PLCH1: variants seen among roughly 807,000 people sequenced by gnomAD.
PLCH1 encodes the protein 1-phosphatidylinositol 4,5-bisphosphate phosphodiesterase eta-1.
A neutral mutation model predicts 126.7 loss-of-function variants in PLCH1; 60 were observed. The ratio of observed to expected loss-of-function variants is 0.47; its 90% CI spans 0.38 to 0.59. PLCH1 has a LOEUF of 0.59. Among genes scored for constraint, PLCH1 ranks in the 20% least tolerant of loss-of-function variants. The probability of loss-of-function intolerance (pLI) is 0.00; values close to 1 mark genes in which losing one functional copy is unlikely to be tolerated. For synonymous variants in PLCH1, 719 were observed against 734.9 expected (o/e 0.98, Z 0.35); for missense variants, 1,723 against 2,040.0 (o/e 0.84, Z 2.99).
chr3:155,658,916 A>C (rs1454694604), intron 2 of PLCH1, among the ~76,000 whole-genome samples: 1 of 152,266 alleles, frequency 6.6e-6, no homozygotes, highest in Non-Finnish European at 1.5e-5. Context: ...CAAGTAATTA[A>C]GAAGTTAATC....
At chr3:155,564,563 C>CA (rs1413173649) in intron 8 of PLCH1, among the ~76,000 whole-genome samples, 3 of 150,166 alleles carry the variant, frequency 2.0e-5, no homozygotes, top group East Asian at 1.9e-4. Flanking sequence ...GACTCCATCT[C>CA]AAAAAAAATA....
chr3:155,742,562 A>G (rs1346551294), intron 1 of PLCH1: 1 of 152,046 alleles, frequency 6.6e-6, no homozygotes, highest in East Asian at 1.9e-4. Flanking sequence ...ACTGCAGTTT[A>G]CCTCCTGGAA....
At chr3:155,630,008 C>G (rs73005082) in intron 2 of PLCH1, among the ~76,000 whole-genome samples, 2 of 152,194 alleles carry the variant, frequency 1.3e-5, no homozygotes, top group African/African-American at 4.8e-5. Flanking sequence ...CTACTATTAA[C>G]AGTCATTTTC....
At chr3:155,485,810 A>C in intron 21 of PLCH1, 100 bp from the exon 22 acceptor site, 1 of 694,010 alleles carries the variant, frequency 1.4e-6, no homozygotes, top group Non-Finnish European at 2.4e-6. Context: ...TATAAACCAA[A>C]ATCGTACAGC....
chr3:155,611,832 G>T (rs1407955260), intron 2 of PLCH1, among the ~76,000 whole-genome samples: 5 of 151,990 alleles, frequency 3.3e-5, no homozygotes, highest in African/African-American at 1.2e-4. Flanking sequence ...AACCACAATG[G>T]AATAAAATTG....
At chr3:155,511,768 G>A (rs1719551811) in intron 12 of PLCH1, among the ~76,000 whole-genome samples, 1 of 148,614 alleles carries the variant, frequency 6.7e-6, no homozygotes, top group South Asian at 2.2e-4. Flanking sequence ...TGTCAGACAG[G>A]GACACTTAAG....
intron 2 of PLCH1, among the ~76,000 whole-genome samples, chr3:155,700,341 A>G: frequency 6.6e-6 from 1 of 152,222 alleles, no homozygotes; most frequent in Admixed American, 6.5e-5. Context: ...AGGCAAAGTA[A>G]AAGTATTAAC....
chr3:155,574,734 G>C (rs778734230), intron 6 of PLCH1, among the ~76,000 whole-genome samples: 1 of 152,162 alleles, frequency 6.6e-6, no homozygotes, highest in Non-Finnish European at 1.5e-5. Flanking sequence ...TTGAATAGAC[G>C]ATTTCACAGA....
chr3:155,680,314 C>G (rs992936098), intron 2 of PLCH1, among the ~76,000 whole-genome samples: 1 of 151,862 alleles, frequency 6.6e-6, no homozygotes, highest in Non-Finnish European at 1.5e-5. Flanking sequence ...ACCCGGGAGG[C>G]AGAGGTTGCA....
intron 8 of PLCH1, among the ~76,000 whole-genome samples, chr3:155,558,262 G>A (rs1351744657): frequency 6.6e-6 from 1 of 152,212 alleles, no homozygotes; most frequent in Non-Finnish European, 1.5e-5. Context: ...GAAAACAGCT[G>A]TGGGACCTGA....
rs1392277010 is a variant in PLCH1, at chr3:155,485,694, C to T, written c.2636G>A (p.Gly879Asp). Residue 879 changes from glycine to aspartate, a missense_variant, in exon 22 of 23, where the codon GGT (glycine) becomes GAT (aspartate). Around this residue, in one of 2 missense-constraint regions of PLCH1, gnomAD observed 947 missense variants for 977.1 expected, o/e 0.97. Transcript: ENST00000460012. ...ATTCTTATTGAACAGTCCCTTCAGA[C>T]CCTGGAGTTGTCTGTTCTGAAGACA... is the stretch of plus-strand genomic sequence containing the variant. ...EIYGKNRQLQGLKGLFNKNPR... is the reference protein window; with the variant it reads ...EIYGKNRQLQDLKGLFNKNPR... The T allele has an allele frequency of 7.5e-6, 12 of 1,597,876 alleles. No individual in the cohort carries two copies. Among genetic ancestry groups the T allele is most frequent in the Non-Finnish European group, 1.0e-5 (12 of 1,176,704 alleles).
intron 1 of PLCH1, among the ~76,000 whole-genome samples, chr3:155,722,792 T>C (rs1478689512): frequency 6.6e-6 from 1 of 152,204 alleles, no homozygotes; most frequent in Non-Finnish European, 1.5e-5. Flanking sequence ...CTTTTTTTGG[T>C]ATGTCTTTTC....
chr3:155,705,773 C>T (rs988478120), intron 1 of PLCH1, among the ~76,000 whole-genome samples: 3 of 152,096 alleles, frequency 2.0e-5, no homozygotes, highest in Non-Finnish European at 4.4e-5. Flanking sequence ...TTAACTGATT[C>T]ACCCAATGCT....
intron 2 of PLCH1, among the ~76,000 whole-genome samples, chr3:155,615,124 G>T (rs1370630757): frequency 1.3e-5 from 2 of 152,026 alleles, no homozygotes; most frequent in African/African-American, 4.8e-5. Context: ...AGTGGGTAAG[G>T]ACATGAAAAG....
intron 10 of PLCH1, among the ~76,000 whole-genome samples, chr3:155,546,337 T>C (rs1725277404): frequency 1.3e-5 from 2 of 152,128 alleles, no homozygotes; most frequent in African/African-American, 4.8e-5. Flanking sequence ...ACAAGGGACA[T>C]GAAAGACCTC....
chr3:155,518,729 G>A (rs1419571531), intron 11 of PLCH1, among the ~76,000 whole-genome samples: 2 of 151,716 alleles, frequency 1.3e-5, no homozygotes, highest in African/African-American at 2.4e-5. Flanking sequence ...CATTTGCTGC[G>A]AGGACAAAAA....
intron 2 of PLCH1, among the ~76,000 whole-genome samples, chr3:155,599,546 C>T (rs552485050): frequency 2.5e-4 from 38 of 152,264 alleles, no homozygotes; most frequent in Non-Finnish European, 3.8e-4. Context: ...CAATGAGAGG[C>T]TCACTAGATA....
At chr3:155,627,691 A>G (rs926504190) in intron 2 of PLCH1, among the ~76,000 whole-genome samples, 2 of 152,098 alleles carry the variant, frequency 1.3e-5, no homozygotes, top group Non-Finnish European at 2.9e-5. Context: ...AATTAAATAA[A>G]TGGTGGGTTA....
At chr3:155,649,551 T>G (rs375007852) in intron 2 of PLCH1, among the ~76,000 whole-genome samples, 2 of 152,216 alleles carry the variant, frequency 1.3e-5, no homozygotes, top group East Asian at 3.9e-4. Flanking sequence ...GTATTTCTAG[T>G]CATTTCAGTT....
Sources: allele counts gnomAD v4.1 joint callset (sites outside exome capture counted in the v4.1 genomes callset), GRCh38; gene constraint gnomAD v4.1.1; regional missense constraint gnomAD v4.1.1; transcripts MANE v1.5; gene names NCBI Gene and HGNC (gene_info 2026-07-23, HGNC 2026-07-21).